The following RALYL variants were observed in gnomAD, a reference collection of about 807,000 sequenced individuals.
RALYL encodes the protein RALY RNA binding protein like.
Under a neutral mutation model 35.1 loss-of-function variants are expected in RALYL, and 29 were observed. The observed-to-expected ratio is 0.83, with a 90% CI of 0.61 to 1.13. The LOEUF is 1.13. Ranked by LOEUF, RALYL falls within the 50% of genes most tolerant of loss-of-function variation. The probability of loss-of-function intolerance (pLI) is 0.00; values close to 1 mark genes in which losing one functional copy is unlikely to be tolerated. For missense variants in RALYL, 359 were observed against 360.4 expected, an observed-to-expected ratio of 1.00 and a Z score of 0.03; for synonymous variants, 120 against 127.6, an observed-to-expected ratio of 0.94 and a Z score of 0.40.
chr8:84,235,162 T>C (rs1826231527), intron 1 of RALYL, among the ~76,000 whole-genome samples: 1 of 152,234 alleles, frequency 6.6e-6, no homozygotes, highest in African/African-American at 2.4e-5. Flanking sequence ...TTATTCAAAG[T>C]TTGCATTCTT....
At chr8:84,429,657 G>GTTTA (rs1268939395) in intron 1 of RALYL, among the ~76,000 whole-genome samples, 1 of 151,968 alleles carries the variant, frequency 6.6e-6, no homozygotes, top group Non-Finnish European at 1.5e-5. Flanking sequence ...AAACTTTCAT[G>GTTTA]TTAATAGAGT....
At chr8:84,874,935 A>T (rs1288932858) in intron 7 of RALYL, among the ~76,000 whole-genome samples, 1 of 152,172 alleles carries the variant, frequency 6.6e-6, no homozygotes, top group Non-Finnish European at 1.5e-5. Context: ...GCTCATTTTT[A>T]AAAAACATAA....
intron 2 of RALYL, among the ~76,000 whole-genome samples, chr8:84,616,863 G>A (rs556476987): frequency 1.3e-5 from 2 of 151,566 alleles, no homozygotes; most frequent in Admixed American, 6.6e-5. Flanking sequence ...TTTCCCCATT[G>A]CTTGTTTTTC....
At chr8:84,660,782 T>C (rs906235810) in intron 2 of RALYL, among the ~76,000 whole-genome samples, 1 of 152,074 alleles carries the variant, frequency 6.6e-6, no homozygotes, top group Non-Finnish European at 1.5e-5. Context: ...ATATTGAGAC[T>C]ATTGAGACTT....
At chr8:84,311,752 G>T (rs1842861863) in intron 1 of RALYL, among the ~76,000 whole-genome samples, 2 of 152,300 alleles carry the variant, frequency 1.3e-5, no homozygotes, top group African/African-American at 4.8e-5. Flanking sequence ...AGCTAGCCAT[G>T]CTGGATATTG....
chr8:84,807,594 G>A lies in RALYL; in HGVS notation c.365+2792G>A, dbSNP rs368381089. Among the ~76,000 whole-genome samples the A allele has an allele frequency of 7.9e-5, 12 of 152,118 alleles. No homozygotes were observed. In the East Asian group the frequency reaches 1.2e-3, roughly 15 times the overall value. Reference sequence around the variant, plus strand: ...TAGTTCTTTAAAGAATCTTTACACTGTTTTCTATAGTGGTTGTACTAGTTT... The same window carrying A: ...TAGTTCTTTAAAGAATCTTTACACTATTTTCTATAGTGGTTGTACTAGTTT... On this transcript the variant is annotated intron_variant, in intron 4 of 8. Coordinates refer to ENST00000521268, the MANE Select transcript of RALYL (RefSeq NM_173848.7).
intron 4 of RALYL, among the ~76,000 whole-genome samples, chr8:84,815,789 C>T (rs10283158): frequency 0.19 from 29,271 of 151,692 alleles, 3,469 homozygotes; most frequent in African/African-American, 0.32. Flanking sequence ...GGAATCCCAG[C>T]ACTTTGGGAG....
At chr8:84,688,822 A>G (rs902299335) in intron 2 of RALYL, among the ~76,000 whole-genome samples, 4 of 152,138 alleles carry the variant, frequency 2.6e-5, no homozygotes, top group African/African-American at 9.7e-5. Context: ...TGCAAACAAT[A>G]CATCTCAAAA....
At chr8:84,308,211 C>A (rs1167626965) in intron 1 of RALYL, among the ~76,000 whole-genome samples, 1 of 151,654 alleles carries the variant, frequency 6.6e-6, no homozygotes, top group East Asian at 1.9e-4. Flanking sequence ...AAAATACTTA[C>A]AAAAATAATA....
chr8:84,882,310 CCCT>C (rs1171698135), intron 7 of RALYL, among the ~76,000 whole-genome samples: 1 of 151,964 alleles, frequency 6.6e-6, no homozygotes, highest in Non-Finnish European at 1.5e-5. Context: ...TCGAAGGCAG[CCCT>C]CCTCCAATAA....
intron 1 of RALYL, among the ~76,000 whole-genome samples, chr8:84,503,046 C>T (rs1002769524): frequency 3.3e-5 from 5 of 151,728 alleles, no homozygotes; most frequent in South Asian, 4.2e-4. Context: ...AATATTGGCA[C>T]GGGAATAGAG....
chr8:84,835,624 G>C (rs1439128967), intron 4 of RALYL, among the ~76,000 whole-genome samples: 1 of 142,466 alleles, frequency 7.0e-6, no homozygotes, highest in Non-Finnish European at 1.5e-5. Context: ...CAGAGGTTGC[G>C]ATGAGCCAAG....
chr8:84,401,509 G>A (rs954730013), intron 1 of RALYL, among the ~76,000 whole-genome samples: 3 of 151,414 alleles, frequency 2.0e-5, no homozygotes, highest in African/African-American at 4.9e-5. Flanking sequence ...GCGGTGGCGG[G>A]CGCCTGTAAT....
intron 1 of RALYL, among the ~76,000 whole-genome samples, chr8:84,322,079 G>A (rs1380688880): frequency 2.0e-5 from 3 of 152,030 alleles, no homozygotes; most frequent in Middle Eastern, 3.2e-3. Flanking sequence ...TATAATTCGA[G>A]TCTTTAATAC....
chr8:84,846,632 A>ACAT (rs1834725521), intron 4 of RALYL, among the ~76,000 whole-genome samples: 1 of 152,200 alleles, frequency 6.6e-6, no homozygotes, highest in African/African-American at 2.4e-5. Flanking sequence ...AGCTGTGAAT[A>ACAT]CATCTGATCA....
chr8:84,876,737 C>A (rs2135291973), intron 7 of RALYL, among the ~76,000 whole-genome samples: 2 of 152,306 alleles, frequency 1.3e-5, no homozygotes, highest in African/African-American at 4.8e-5. Context: ...GCAGCCAAGT[C>A]TGACTGGGAC....
intron 2 of RALYL, among the ~76,000 whole-genome samples, chr8:84,667,412 C>T (rs767871395): frequency 6.6e-6 from 1 of 152,000 alleles, no homozygotes; most frequent in Non-Finnish European, 1.5e-5. Context: ...TTCTTTTACT[C>T]CTTCTTAGTA....
rs777129428 is a variant in RALYL at position 84,887,168 on chromosome 8, T to A, written c.686-436T>A. Among the ~76,000 whole-genome samples the A allele has an allele frequency of 3.7e-4, 56 of 152,342 alleles. 1 individual carries two copies. In the Middle Eastern group the frequency reaches 0.027, roughly 74 times the overall value. On this transcript the variant is annotated intron_variant, in intron 7 of 8. Coordinates refer to ENST00000521268, the MANE Select transcript of RALYL (RefSeq NM_173848.7). ...TGTCTTTTTCACTTAGGTTTGAACT[T>A]GTCAATGAATTTTCTCAATCCTGCT...
chr8:84,431,121 G>T (rs1292021141), intron 1 of RALYL, among the ~76,000 whole-genome samples: 3 of 152,128 alleles, frequency 2.0e-5, no homozygotes, highest in African/African-American at 7.2e-5. Context: ...CTTACAGTGT[G>T]CCTGGGATCT....
Sources: gnomAD v4.1 joint callset for allele counts (sites outside exome capture counted in the v4.1 genomes callset) on GRCh38, gnomAD v4.1.1 for gene constraint, MANE v1.5 for transcripts, NCBI Gene and HGNC (gene_info 2026-07-23, HGNC 2026-07-21) for gene names.